The following SYT14 variants were observed in gnomAD, a reference collection of about 807,000 sequenced individuals.
SYT14 encodes synaptotagmin-14.
In SYT14, 32 loss-of-function variants were observed where a neutral mutation model predicts 74.2. The observed-to-expected ratio is 0.43, with a 90% CI of 0.33 to 0.58. The LOEUF is 0.58. Among genes scored for constraint, SYT14 ranks in the 20% least tolerant of loss-of-function variants. The pLI, the probability that SYT14 is intolerant of heterozygous loss-of-function variation, is 0.05. For synonymous variants in SYT14, 298 were observed against 337.7 expected, an observed-to-expected ratio of 0.88 and a Z score of 1.29; for missense variants, 791 against 981.8, an observed-to-expected ratio of 0.81 and a Z score of 2.60.
intron 7 of SYT14, among the ~76,000 whole-genome samples, chr1:210,149,086 C>T (rs2083104362): frequency 2.7e-5 from 4 of 150,804 alleles, no homozygotes. Flanking sequence ...AGCGTATAGG[C>T]AGAAATGCTA....
chr1:209,968,622 T>G (rs937104780), intron 2 of SYT14, among the ~76,000 whole-genome samples: 1 of 152,150 alleles, frequency 6.6e-6, no homozygotes, highest in African/African-American at 2.4e-5. Flanking sequence ...GAATGTCATA[T>G]AGTTGGAAAC....
intron 5 of SYT14, among the ~76,000 whole-genome samples, chr1:210,039,375 AG>A (rs889128550): frequency 6.6e-6 from 1 of 152,100 alleles, no homozygotes; most frequent in African/African-American, 2.4e-5. Flanking sequence ...CTCCTGCCTC[AG>A]CCCCAATCAA....
At position 209,981,407 on chromosome 1, in the gene SYT14, T is replaced by C. The variant is rs542365501; in HGVS notation, c.-486+28651T>C. 6.6e-5 allele frequency among the ~76,000 whole-genome samples: 10 copies of C among 151,896 alleles called. No homozygotes were observed. In the South Asian group the frequency reaches 2.1e-3, roughly 32 times the overall value. ...TAGTTTGGTGGAATATGAAATTCTT[T>C]GTTGAAATTTCTTTTCTTTCTTTTT... On this transcript the variant is annotated intron_variant, in intron 2 of 9. Coordinates refer to ENST00000637265, the Ensembl canonical transcript of SYT14.
intron 2 of SYT14, among the ~76,000 whole-genome samples, chr1:209,985,705 A>G (rs539757723): frequency 6.6e-6 from 1 of 152,342 alleles, no homozygotes. Context: ...CCCTGCAGCA[A>G]TCTTCTTCCT....
chr1:209,941,233 A>T (rs2078725223), intron 1 of SYT14, among the ~76,000 whole-genome samples: 1 of 152,212 alleles, frequency 6.6e-6, no homozygotes, highest in Admixed American at 6.5e-5. Flanking sequence ...CAGATGTGTA[A>T]CTATTAATCA....
intron 6 of SYT14, among the ~76,000 whole-genome samples, chr1:210,096,960 T>C (rs985760641): frequency 9.2e-5 from 14 of 152,228 alleles, no homozygotes; most frequent in African/African-American, 3.1e-4. Context: ...TCACTATCTA[T>C]AGTTATCACA....
intron 5 of SYT14, among the ~76,000 whole-genome samples, chr1:210,077,323 G>T (rs748149351): frequency 6.6e-6 from 1 of 152,126 alleles, no homozygotes; most frequent in Admixed American, 6.5e-5. Flanking sequence ...GCCCCGAGCC[G>T]TGAGGGATCC....
intron 7 of SYT14, among the ~76,000 whole-genome samples, chr1:210,114,236 C>T (rs2082315952): frequency 6.6e-6 from 1 of 151,378 alleles, no homozygotes; most frequent in Non-Finnish European, 1.5e-5. Context: ...GGGCTGCAGG[C>T]ATTCCTTGGC....
chr1:210,147,114 T>G (rs1176375799), intron 7 of SYT14, among the ~76,000 whole-genome samples: 1 of 151,722 alleles, frequency 6.6e-6, no homozygotes, highest in Non-Finnish European at 1.5e-5. Context: ...GTGAAAGACA[T>G]TATAAAATAA....
At chr1:210,111,713 A>T (rs959043235) in intron 7 of SYT14, among the ~76,000 whole-genome samples, 2 of 151,374 alleles carry the variant, frequency 1.3e-5, no homozygotes, top group South Asian at 4.1e-4. Flanking sequence ...TTTTGTATGA[A>T]TTGAAAAAGT....
At chr1:210,083,017 G>A (rs2081645422) in intron 5 of SYT14, among the ~76,000 whole-genome samples, 1 of 151,394 alleles carries the variant, frequency 6.6e-6, no homozygotes, top group South Asian at 2.1e-4. Flanking sequence ...TTTTCACTCA[G>A]TCACCCAAGC....
intron 7 of SYT14, among the ~76,000 whole-genome samples, chr1:210,133,703 G>C (rs369102784): frequency 6.6e-6 from 1 of 152,146 alleles, no homozygotes; most frequent in African/African-American, 2.4e-5. Context: ...CTTGTGCAAG[G>C]TGGAGGTGAA....
chr1:210,088,558 C>T (rs1041828940), intron 5 of SYT14, among the ~76,000 whole-genome samples: 7 of 152,126 alleles, frequency 4.6e-5, no homozygotes, highest in South Asian at 2.1e-4. Flanking sequence ...CAGCACTATT[C>T]ACAATAGCAA....
At chr1:210,159,766 C>T (rs1198374218) in intron 9 of SYT14, among the ~76,000 whole-genome samples, 2 of 151,964 alleles carry the variant, frequency 1.3e-5, no homozygotes, top group East Asian at 3.9e-4. Flanking sequence ...ATAAATATTG[C>T]AATTTTCTTT....
intron 1 of SYT14, among the ~76,000 whole-genome samples, chr1:209,947,959 ACAAT>A (rs1269843987): frequency 6.6e-6 from 1 of 152,240 alleles, no homozygotes; most frequent in Non-Finnish European, 1.5e-5. Flanking sequence ...GAAGGCCTAG[ACAAT>A]CAATAATTTT....
At chr1:210,046,734 TA>T (rs1216957018) in intron 5 of SYT14, among the ~76,000 whole-genome samples, 1 of 152,218 alleles carries the variant, frequency 6.6e-6, no homozygotes, top group East Asian at 1.9e-4. Flanking sequence ...TGTATAAATA[TA>T]CCACATATTG....
chr1:209,939,198 TC>T (rs1264781322), intron 1 of SYT14, among the ~76,000 whole-genome samples: 1 of 152,208 alleles, frequency 6.6e-6, no homozygotes, highest in African/African-American at 2.4e-5. Context: ...GATTACATCT[TC>T]CAGGCCCTGT....
chr1:210,062,056 A>G (rs1257481686), intron 5 of SYT14, among the ~76,000 whole-genome samples: 2 of 151,858 alleles, frequency 1.3e-5, no homozygotes, highest in Admixed American at 1.3e-4. Flanking sequence ...AATTAGATAT[A>G]CTTTATTCAT....
chr1:209,972,426 C>A (rs2205990), intron 2 of SYT14, among the ~76,000 whole-genome samples: 135,393 of 151,996 alleles, frequency 0.89, 60,609 homozygotes, highest in African/African-American at 0.97. Flanking sequence ...TTGTTTTTCT[C>A]GTTCTTCTAG....
Sources: allele counts gnomAD v4.1 joint callset (sites outside exome capture counted in the v4.1 genomes callset), GRCh38; gene constraint gnomAD v4.1.1; transcripts MANE v1.5; gene names NCBI Gene and HGNC (gene_info 2026-07-23, HGNC 2026-07-21).